Variants in CDH12 observed in about 807,000 individuals in gnomAD.
The protein encoded by CDH12 is cadherin 12.
CDH12 carries 41 observed loss-of-function variants against 74.1 expected under a neutral mutation model. The observed-to-expected ratio is 0.55, with a 90% confidence interval of 0.43 to 0.72. The LOEUF is 0.72. Ranked by LOEUF, CDH12 falls within the 30% of genes least tolerant of loss-of-function variation. The probability of loss-of-function intolerance (pLI) is 0.00; values close to 1 mark genes in which losing one functional copy is unlikely to be tolerated. For missense variants in CDH12, 945 were observed against 977.2 expected (o/e 0.97, Z 0.44); for synonymous variants, 399 against 355.0 (o/e 1.12, Z -1.39).
chr5:22,390,133 G>T (rs1703316), intron 3 of CDH12, among the ~76,000 whole-genome samples: 63,419 of 151,750 alleles, frequency 0.42, 14,579 homozygotes, highest in Non-Finnish European at 0.52. Context: ...TACCTGAAAA[G>T]ATGCTGGCCT....
Position 22,341,231 on chromosome 5 carries a change from T to G in CDH12, c.-333+64026A>C, listed in dbSNP as rs532327848. Among the ~76,000 whole-genome samples the G allele has an allele frequency of 2.6e-3, 401 of 152,278 alleles. 2 individuals are homozygous for G. Among genetic ancestry groups the G allele is most frequent in the African/African-American group, 9.5e-3 (393 of 41,562 alleles). ...GAATGGTCAGGCCAGGTGCAGTACCTCATAACTGCTGTATAAGTGAGGTAG... is the reference window on the plus strand; with the variant it reads ...GAATGGTCAGGCCAGGTGCAGTACCGCATAACTGCTGTATAAGTGAGGTAG... On this transcript the variant is annotated intron_variant, in intron 3 of 14. Coordinates refer to ENST00000382254, the MANE Select transcript of CDH12 (RefSeq NM_004061.5).
chr5:22,398,679 A>T (rs1742574968), intron 3 of CDH12, among the ~76,000 whole-genome samples: 2 of 152,030 alleles, frequency 1.3e-5, no homozygotes, highest in Non-Finnish European at 2.9e-5. Flanking sequence ...CTCCTTTTTC[A>T]CCAGAGACAT....
intron 3 of CDH12, among the ~76,000 whole-genome samples, chr5:22,281,663 C>T (rs535467211): frequency 2.7e-4 from 41 of 152,148 alleles, no homozygotes; most frequent in African/African-American, 8.7e-4. Context: ...ATACATCTTA[C>T]AAGGGATGTG....
chr5:22,442,628 A>G (rs1378414600), intron 2 of CDH12, among the ~76,000 whole-genome samples: 1 of 152,040 alleles, frequency 6.6e-6, no homozygotes, highest in Non-Finnish European at 1.5e-5. Flanking sequence ...TATTCCGTTA[A>G]TTTTGTTCTG....
At chr5:22,764,249 T>G (rs1470205855) in intron 1 of CDH12, among the ~76,000 whole-genome samples, 1 of 151,874 alleles carries the variant, frequency 6.6e-6, no homozygotes, top group Non-Finnish European at 1.5e-5. Flanking sequence ...AGAGGATATT[T>G]GAGATATTTT....
chr5:21,904,157 CA>C (rs1753526636), intron 6 of CDH12, among the ~76,000 whole-genome samples: 1 of 152,114 alleles, frequency 6.6e-6, no homozygotes, highest in Admixed American at 6.5e-5. Context: ...CTTCATGTTA[CA>C]TTTTTCCCCG....
intron 1 of CDH12, among the ~76,000 whole-genome samples, chr5:22,696,097 G>A (rs528287408): frequency 5.9e-5 from 9 of 152,100 alleles, no homozygotes; most frequent in South Asian, 2.1e-4. Flanking sequence ...AGCTGGGCGC[G>A]GTGGCTCATG....
At chr5:22,738,684 TACC>T (rs754240038) in intron 1 of CDH12, among the ~76,000 whole-genome samples, 3 of 152,036 alleles carry the variant, frequency 2.0e-5, no homozygotes, top group Non-Finnish European at 2.9e-5. Flanking sequence ...ATATTTCTTT[TACC>T]ACAAATATGC....
At chr5:21,871,940 C>T (rs749655515) in intron 6 of CDH12, among the ~76,000 whole-genome samples, 21 of 151,798 alleles carry the variant, frequency 1.4e-4, no homozygotes, top group Non-Finnish European at 2.8e-4. Context: ...TATTAAAATG[C>T]CAACAAGTAG....
At chr5:22,064,751 G>C (rs1189685327) in intron 5 of CDH12, among the ~76,000 whole-genome samples, 1 of 152,148 alleles carries the variant, frequency 6.6e-6, no homozygotes, top group African/African-American at 2.4e-5. Context: ...AAAAGGATGA[G>C]CTCAGGGATT....
intron 4 of CDH12, among the ~76,000 whole-genome samples, chr5:22,096,375 A>G (rs1008351569): frequency 5.3e-5 from 8 of 151,888 alleles, no homozygotes; most frequent in East Asian, 1.9e-4. Context: ...TCTGTTCCCA[A>G]TGCAACTCAT....
intron 2 of CDH12, among the ~76,000 whole-genome samples, chr5:22,459,426 AC>A (rs1360816056): frequency 6.6e-6 from 1 of 152,172 alleles, no homozygotes; most frequent in African/African-American, 2.4e-5. Context: ...CAAATAATAA[AC>A]AAAAAATGCA....
At chr5:22,796,381 T>C (rs994928321) in intron 1 of CDH12, among the ~76,000 whole-genome samples, 19 of 152,138 alleles carry the variant, frequency 1.2e-4, no homozygotes, top group Non-Finnish European at 2.1e-4. Context: ...TCCATTCTAA[T>C]TGGAGTAAGG....
At chr5:21,959,428 G>T (rs1756247846) in intron 6 of CDH12, among the ~76,000 whole-genome samples, 1 of 152,010 alleles carries the variant, frequency 6.6e-6, no homozygotes, top group African/African-American at 2.4e-5. Flanking sequence ...GTAAAGGGGG[G>T]CAAGCTGAAT....
intron 6 of CDH12, among the ~76,000 whole-genome samples, chr5:21,865,247 A>G (rs979670665): frequency 6.6e-6 from 1 of 152,160 alleles, no homozygotes; most frequent in East Asian, 1.9e-4. Flanking sequence ...TGATTTAAAG[A>G]CAGAACTTAA....
chr5:21,902,570 T>G (rs1253149898), intron 6 of CDH12, among the ~76,000 whole-genome samples: 2 of 152,048 alleles, frequency 1.3e-5, no homozygotes, highest in African/African-American at 4.8e-5. Context: ...TAAAAGAGAA[T>G]TGAAAAAGAA....
intron 1 of CDH12, among the ~76,000 whole-genome samples, chr5:22,761,436 G>T (rs950551999): frequency 6.6e-6 from 1 of 152,090 alleles, no homozygotes; most frequent in Non-Finnish European, 1.5e-5. Flanking sequence ...TGCATGCCAC[G>T]GTGTGCCCCC....
intron 1 of CDH12, among the ~76,000 whole-genome samples, chr5:22,667,934 G>A: frequency 6.6e-6 from 1 of 151,772 alleles, no homozygotes; most frequent in East Asian, 1.9e-4. Flanking sequence ...TCAAAGTGAT[G>A]ATTTCACTCT....
At chr5:21,825,778 T>C (rs1390436318) in intron 8 of CDH12, among the ~76,000 whole-genome samples, 1 of 152,194 alleles carries the variant, frequency 6.6e-6, no homozygotes, top group Non-Finnish European at 1.5e-5. Flanking sequence ...AGCACATCTC[T>C]TCTGAGACTC....
Sources: allele counts gnomAD v4.1 joint callset (sites outside exome capture counted in the v4.1 genomes callset), GRCh38; gene constraint gnomAD v4.1.1; transcripts MANE v1.5; gene names NCBI Gene and HGNC (gene_info 2026-07-23, HGNC 2026-07-21).